ZNF343: variants seen among roughly 807,000 people sequenced by gnomAD.
ZNF343 encodes the protein zinc finger protein 343.
ZNF343 carries 11 observed loss-of-function variants against 13.8 expected under a neutral mutation model. The observed-to-expected ratio is 0.80, with a 90% CI of 0.50 to 1.32. The LOEUF is 1.32. Ranked by LOEUF, ZNF343 falls within the 40% of genes most tolerant of loss-of-function variation. The pLI, the probability that ZNF343 is intolerant of heterozygous loss-of-function variation, is 0.00. For synonymous variants in ZNF343, 248 were observed against 260.0 expected (o/e 0.95, Z 0.44); for missense variants, 658 against 714.2 (o/e 0.92, Z 0.90).
intron 1 of ZNF343, among the ~76,000 whole-genome samples, chr20:2,501,165 C>T (rs1037698404): frequency 3.3e-5 from 5 of 152,308 alleles, no homozygotes; most frequent in East Asian, 1.9e-4. Context: ...GATTATATCC[C>T]GCGCCTGGCT....
At position 2,505,713 on chromosome 20, in the gene ZNF343, T is replaced by C. The variant is rs542138141; in HGVS notation, c.-237+3168A>G. On this transcript the variant is annotated intron_variant, in intron 1 of 5. Transcript: ENST00000278772. The stretch of plus-strand genomic sequence containing the variant: ...GGGAAAGGATTCCCTATTTAATAAA[T>C]GGTGCTGGGAAAACTGGCTAGCCAT... Among the ~76,000 whole-genome samples the C allele has an allele frequency of 9.0e-3, 1,374 of 152,254 alleles. 14 individuals carry two copies. The highest frequency in any genetic ancestry group is 0.031 in the African/African-American group (1,302 of 41,544).
chr20:2,518,037 A>G lies in ZNF343; in HGVS notation c.-347+6418T>C, dbSNP rs572750341. Among the ~76,000 whole-genome samples, 77 of 149,750 alleles carry G rather than the reference A, an allele frequency of 5.1e-4. No homozygotes were observed. The Middle Eastern group carries it at 0.014, about 28-fold the overall frequency. ...TTTCTCTCTTTTTTTTTTTCGAGAC[A>G]GAGTCTCACTCTGTTACCCAGGCTG... On this transcript the variant is annotated intron_variant, in intron 1 of 6. Transcript: ENST00000358413. The surrounding 1 kb of genome is among the most constrained non-coding windows in gnomAD (Gnocchi z 4.6).
chr20:2,499,426 C>T (rs1399667988), intron 2 of ZNF343, among the ~76,000 whole-genome samples: 1 of 93,430 alleles, frequency 1.1e-5, no homozygotes, highest in Non-Finnish European at 2.1e-5. Context: ...GATCCCGCCA[C>T]TGCACTCCAG....
At chr20:2,494,819 A>G (rs2085431450) in intron 2 of ZNF343, among the ~76,000 whole-genome samples, 1 of 151,804 alleles carries the variant, frequency 6.6e-6, no homozygotes, top group Admixed American at 6.6e-5. Context: ...GGAGTTTAGG[A>G]GATCAAAACT....
At position 2,493,543 on chromosome 20, in the gene ZNF343, T is replaced by TAA. The variant is rs2085402859; in HGVS notation, c.152_153insTT (p.Lys51AsnfsTer2). 1 of 1,613,640 alleles carries TAA rather than the reference T, an allele frequency of 6.2e-7. No individual in the cohort carries two copies. The highest frequency in any genetic ancestry group is 8.5e-7 in the Non-Finnish European group (1 of 1,179,958). Reference sequence around the variant, plus strand: ...CCACTATTTGGGCCTTTCCCTCCTTTTTCTGGGGGCAGTCAGTATCATTAG... The same window carrying TAA: ...CCACTATTTGGGCCTTTCCCTCCTTTAATTCTGGGGGCAGTCAGTATCATTAG... On this transcript the variant is annotated frameshift_variant, in exon 4 of 6. Coordinates refer to ENST00000278772, the MANE Select transcript of ZNF343 (RefSeq NM_024325.6). LOFTEE classifies it high-confidence loss of function.
At chr20:2,495,444 G>A (rs549143056) in intron 2 of ZNF343, 9 of 152,332 alleles carry the variant, frequency 5.9e-5, no homozygotes, top group South Asian at 4.1e-4. Flanking sequence ...TGAAAGCGAC[G>A]ATGCCATTTC....
chr20:2,491,614 C>T (rs2085366086), intron 5 of ZNF343, among the ~76,000 whole-genome samples: 2 of 152,044 alleles, frequency 1.3e-5, no homozygotes, highest in Admixed American at 1.3e-4. Context: ...GATACATAAA[C>T]ATTATATTAA....
intron 2 of ZNF343, among the ~76,000 whole-genome samples, chr20:2,499,301 T>C (rs1451449450): frequency 7.2e-6 from 1 of 139,098 alleles, no homozygotes; most frequent in East Asian, 2.1e-4. Context: ...CCGTCTCTAC[T>C]AAAAATACAA....
intron 1 of ZNF343, among the ~76,000 whole-genome samples, chr20:2,501,024 G>A (rs960019019): frequency 3.0e-4 from 45 of 152,268 alleles, no homozygotes; most frequent in Admixed American, 1.6e-3. Flanking sequence ...TGCCTCACCC[G>A]GGAAGTGCAA....
chr20:2,521,046 A>G (rs1212633573), intron 1 of ZNF343, among the ~76,000 whole-genome samples: 1 of 152,216 alleles, frequency 6.6e-6, no homozygotes, highest in African/African-American at 2.4e-5. Flanking sequence ...TTTAGAAGGG[A>G]TAAGTGTAGA....
At chr20:2,501,518 G>C (rs6049574) in intron 1 of ZNF343, among the ~76,000 whole-genome samples, 3 of 152,202 alleles carry the variant, frequency 2.0e-5, no homozygotes, top group African/African-American at 7.2e-5. Context: ...TGCCTCCTCA[G>C]GTGGGTCCCT....
chr20:2,484,793 A>G, intron 5 of ZNF343, 137 bp from the exon 6 acceptor site: 2 of 754,208 alleles, frequency 2.7e-6, no homozygotes, highest in Non-Finnish European at 4.1e-6. Context: ...GCTTCTGAAC[A>G]ATGATTCCTT....
intron 5 of ZNF343, among the ~76,000 whole-genome samples, chr20:2,486,101 CAAGTCATTCAGACTG>C (rs2085276772): frequency 6.6e-6 from 1 of 152,142 alleles, no homozygotes; most frequent in African/African-American, 2.4e-5. Flanking sequence ...AGAAGCATAC[CAAGTCATTCAGACTG>C]CAGTCTGAAT....
intron 5 of ZNF343, among the ~76,000 whole-genome samples, chr20:2,490,589 G>C (rs2085352713): frequency 6.7e-6 from 1 of 149,558 alleles, no homozygotes; most frequent in South Asian, 2.1e-4. Flanking sequence ...CCAGGCTGGA[G>C]TGCAATGGCA....
Position 2,493,871 on chromosome 20 carries a change from G to A in ZNF343, c.25C>T (p.Leu9=), listed in dbSNP as rs2085413397. MMLPYPSA[L]GDQYWEEILL... ...ATCTCTTCCCAGTATTGATCTCCCA[G>A]TGCTGAAGGATAAGGCAACATCATG... The change falls in exon 3 of 6, where the codon CTG becomes TTG. Residue 9 remains leucine (L), a synonymous_variant. Transcript: ENST00000278772. 3.1e-6 allele frequency: 5 copies of A among 1,613,756 alleles called. No homozygotes were observed. The highest frequency in any genetic ancestry group is 2.7e-5 in the African/African-American group (2 of 75,010).
chr20:2,501,216 A>G (rs1189087487), intron 1 of ZNF343, among the ~76,000 whole-genome samples: 1 of 152,150 alleles, frequency 6.6e-6, no homozygotes. Context: ...CATTGCTAGC[A>G]CAGCAGTCTG....
chr20:2,506,452 C>G (rs1285772728), intron 1 of ZNF343, among the ~76,000 whole-genome samples: 1 of 151,946 alleles, frequency 6.6e-6, no homozygotes, highest in Non-Finnish European at 1.5e-5. Flanking sequence ...TGGGTATATA[C>G]CCAAAGGATT....
intron 1 of ZNF343, among the ~76,000 whole-genome samples, chr20:2,521,980 G>A (rs117238362): frequency 6.6e-6 from 1 of 152,348 alleles, no homozygotes; most frequent in East Asian, 1.9e-4. Flanking sequence ...CACTTAAGAA[G>A]CATGTAAGGT....
Position 2,493,782 on chromosome 20 carries a change from C to T in ZNF343, c.114G>A (p.Ala38=), listed in dbSNP as rs751338954. Residue 38 remains alanine, a synonymous_variant, in exon 3 of 6, where the codon GCG becomes GCA. Coordinates refer to ENST00000278772, the MANE Select transcript of ZNF343 (RefSeq NM_024325.6). ...GGCTCCCTCAACAATTCTCACCTTT[C>T]GCTTTATGATTTTGGGTCAATTTCT... The part of the protein sequence containing the change: ...TMKKLTQNHK[A]KGLPSNDTDC... The T allele has an allele frequency of 5.6e-6, 9 of 1,611,694 alleles. No homozygotes were observed. Among genetic ancestry groups the T allele is most frequent in the South Asian group, 3.3e-5 (3 of 91,020 alleles).
Sources: allele counts gnomAD v4.1 joint callset (sites outside exome capture counted in the v4.1 genomes callset), GRCh38; gene constraint gnomAD v4.1.1; non-coding constraint Gnocchi (gnomAD v3.1); transcripts MANE v1.5; gene names NCBI Gene and HGNC (gene_info 2026-07-23, HGNC 2026-07-21).